The following PRORP variants were observed in gnomAD, a reference collection of about 807,000 sequenced individuals.
The protein encoded by PRORP is protein only RNase P catalytic subunit, also known as mitochondrial ribonuclease P catalytic subunit.
A neutral mutation model predicts 59.4 loss-of-function variants in PRORP; 51 were observed. That is an observed-to-expected ratio of 0.86 (90% CI 0.69 to 1.08). The LOEUF is 1.08. PRORP is among the 50% of genes least tolerant of loss of function. The pLI, the probability that PRORP is intolerant of heterozygous loss-of-function variation, is 0.00. For missense variants in PRORP, 646 were observed against 690.3 expected (o/e 0.94, Z 0.72); for synonymous variants, 231 against 245.6 (o/e 0.94, Z 0.55).
intron 5 of PRORP, among the ~76,000 whole-genome samples, chr14:35,189,308 AGTGAT>A (rs2048824141): frequency 6.6e-6 from 1 of 152,220 alleles, no homozygotes; most frequent in African/African-American, 2.4e-5. Flanking sequence ...CCTGGGCTCA[AGTGAT>A]CCGCCTGCTT....
intron 5 of PRORP, among the ~76,000 whole-genome samples, chr14:35,237,529 T>A (rs773523913): frequency 6.6e-6 from 1 of 152,168 alleles, no homozygotes; most frequent in Non-Finnish European, 1.5e-5. Context: ...TTCAAATCTA[T>A]CCTCTTCCAC....
At chr14:35,199,762 T>G (rs1452502437) in intron 5 of PRORP, among the ~76,000 whole-genome samples, 2 of 152,222 alleles carry the variant, frequency 1.3e-5, no homozygotes, top group East Asian at 3.8e-4. Context: ...TTCTTTAATG[T>G]GAAAAAAGAA....
intron 5 of PRORP, among the ~76,000 whole-genome samples, chr14:35,243,018 A>G (rs1052988178): frequency 5.9e-5 from 9 of 152,198 alleles, no homozygotes; most frequent in Admixed American, 5.9e-4. Flanking sequence ...GTTTCTCCCA[A>G]AAAACTGAAC....
rs777378830 is a variant in PRORP, at chr14:35,123,865, C to A, written c.620C>A (p.Thr207Asn). The change falls in exon 2 of 8, where the codon ACT (threonine) becomes AAT (asparagine). Residue 207 changes from threonine (T) to asparagine (N), a missense_variant. By Grantham distance (65) the Thr-to-Asn change is moderately conservative. Coordinates refer to ENST00000534898, the MANE Select transcript of PRORP (RefSeq NM_014672.4). ...VFEIMKARYK[T>N]LEPRGYSLLI... The stretch of plus-strand genomic sequence containing the variant: ...GAAATTATGAAAGCCAGATATAAGA[C>A]TTTAGAACCTAGAGGTTACAGTCTT... 1 of 1,614,078 alleles carries A rather than the reference C, an allele frequency of 6.2e-7. No individual in the cohort carries two copies. The highest frequency in any genetic ancestry group is 1.1e-5 in the South Asian group (1 of 91,082).
At position 35,158,697 on chromosome 14, in the gene PRORP, G is replaced by A; in HGVS notation, c.1168-21973G>A. 4.6e-5 allele frequency: 18 copies of A among 388,562 alleles called. 1 individual carries two copies. The highest frequency in any genetic ancestry group is 4.4e-4 in the South Asian group (18 of 40,886). The allele number at this position is 388,562 out of a possible 1,614,324, so 24.1% of individuals were successfully genotyped here. A position where few individuals can be genotyped will look rare whatever the true frequency, so the allele number is the denominator to read the frequency against. On this transcript the variant is annotated intron_variant, in intron 4 of 7. Coordinates refer to ENST00000534898, the MANE Select transcript of PRORP (RefSeq NM_014672.4). Reference sequence around the variant, plus strand: ...TTACTATCAATGTAGTTGATGACGAGCTGCCAGCAATTACTATTATCTACT... The same window carrying A: ...TTACTATCAATGTAGTTGATGACGAACTGCCAGCAATTACTATTATCTACT...
intron 4 of PRORP, among the ~76,000 whole-genome samples, chr14:35,151,764 G>A (rs1187713848): frequency 6.6e-6 from 1 of 151,934 alleles, no homozygotes; most frequent in African/African-American, 2.4e-5. Flanking sequence ...GAACACTGTT[G>A]TATCCTCATA....
At chr14:35,217,415 C>T (rs1280549882) in intron 5 of PRORP, among the ~76,000 whole-genome samples, 1 of 150,820 alleles carries the variant, frequency 6.6e-6, no homozygotes, top group Non-Finnish European at 1.5e-5. Context: ...GCAGGAGAAT[C>T]ACTTGAACCT....
chr14:35,223,398 G>A (rs1014341056), intron 5 of PRORP, among the ~76,000 whole-genome samples: 2 of 151,722 alleles, frequency 1.3e-5, no homozygotes, highest in Admixed American at 1.3e-4. Context: ...AATGTCGTGA[G>A]CCGTAGTGAC....
At chr14:35,256,976 G>A (rs958175281) in intron 5 of PRORP, among the ~76,000 whole-genome samples, 6 of 151,240 alleles carry the variant, frequency 4.0e-5, no homozygotes, top group South Asian at 2.1e-4. Flanking sequence ...AGGTTCAAGC[G>A]ATTCTCCTGC....
At chr14:35,142,922 C>T (rs1189484403) in intron 4 of PRORP, among the ~76,000 whole-genome samples, 1 of 145,146 alleles carries the variant, frequency 6.9e-6, no homozygotes, top group Non-Finnish European at 1.5e-5. Context: ...CTCAAGTGAT[C>T]CTCTTGCCTT....
At chr14:35,193,786 T>G (rs1422013357) in intron 5 of PRORP, among the ~76,000 whole-genome samples, 1 of 152,128 alleles carries the variant, frequency 6.6e-6, no homozygotes, top group Non-Finnish European at 1.5e-5. Flanking sequence ...AGTAGAATTT[T>G]TATCATACCT....
At chr14:35,262,066 T>C (rs988942515) in intron 5 of PRORP, among the ~76,000 whole-genome samples, 1 of 152,228 alleles carries the variant, frequency 6.6e-6, no homozygotes, top group African/African-American at 2.4e-5. Flanking sequence ...AACCAGGATA[T>C]AGCTATGAAG....
At chr14:35,164,935 A>AG (rs2048147003) in intron 4 of PRORP, among the ~76,000 whole-genome samples, 1 of 152,096 alleles carries the variant, frequency 6.6e-6, no homozygotes, top group Non-Finnish European at 1.5e-5. Flanking sequence ...GCCAAAAAAA[A>AG]CTCATGAAGG....
intron 5 of PRORP, among the ~76,000 whole-genome samples, chr14:35,252,555 G>A (rs2050641138): frequency 6.6e-6 from 1 of 152,138 alleles, no homozygotes; most frequent in Non-Finnish European, 1.5e-5. Context: ...TCCCCACTGG[G>A]CCAACTGCTG....
chr14:35,180,845 C>A, intron 5 of PRORP, 68 bp downstream of exon 5: 1 of 1,024,062 alleles, frequency 9.8e-7, no homozygotes, highest in Non-Finnish European at 1.5e-6. Context: ...TTATGACCTT[C>A]TTGGGGCTCT....
intron 5 of PRORP, among the ~76,000 whole-genome samples, chr14:35,197,515 G>A (rs181424260): frequency 3.9e-5 from 6 of 151,998 alleles, no homozygotes; most frequent in Admixed American, 3.9e-4. Context: ...TTTTAAAATT[G>A]TTTCTGTTTC....
chr14:35,148,276 C>A (rs887587920), intron 4 of PRORP, among the ~76,000 whole-genome samples: 1 of 152,162 alleles, frequency 6.6e-6, no homozygotes, highest in African/African-American at 2.4e-5. Flanking sequence ...ACTAGAAAGT[C>A]GAATTTACTC....
rs181843917 is a variant in PRORP, at chr14:35,197,162, C to T, written c.1275+16385C>T. Among the ~76,000 whole-genome samples, 620 of 152,234 alleles carry T rather than the reference C, an allele frequency of 4.1e-3. 7 individuals are homozygous for T. The highest frequency in any genetic ancestry group is 0.014 in the African/African-American group (581 of 41,528). On this transcript the variant is annotated intron_variant, in intron 5 of 7. Transcript: ENST00000534898. ...TCCTAATAGCAAGTTGATTTCCCAT[C>T]ACTGATGTGTCATTGATAATGTCTG...
At chr14:35,202,387 G>A (rs530171798) in intron 5 of PRORP, among the ~76,000 whole-genome samples, 3 of 152,210 alleles carry the variant, frequency 2.0e-5, no homozygotes, top group African/African-American at 7.2e-5. Flanking sequence ...TCTGCCACTT[G>A]GTGTCACAAT....
Sources: allele counts gnomAD v4.1 joint callset (sites outside exome capture counted in the v4.1 genomes callset), GRCh38; gene constraint gnomAD v4.1.1; transcripts MANE v1.5; gene names NCBI Gene and HGNC (gene_info 2026-07-23, HGNC 2026-07-21).